The following PCDHA3 variants were observed in gnomAD, a reference collection of about 807,000 sequenced individuals.
PCDHA3 encodes the protein protocadherin alpha-3.
In PCDHA3, 41 loss-of-function variants were observed where a neutral mutation model predicts 62.2. The ratio of observed to expected loss-of-function variants is 0.66; its 90% CI spans 0.51 to 0.86. The LOEUF (loss-of-function observed/expected upper bound fraction) is 0.86, where lower values mean the gene tolerates loss of function less well. PCDHA3 is among the 40% of genes least tolerant of loss of function. The pLI is 0.00. For synonymous variants in PCDHA3, 640 were observed against 555.4 expected, an observed-to-expected ratio of 1.15 and a Z score of -2.14; for missense variants, 1,304 against 1,241.2, an observed-to-expected ratio of 1.05 and a Z score of -0.76.
intron 1 of PCDHA3, among the ~76,000 whole-genome samples, chr5:140,886,682 G>A (rs181377286): frequency 6.6e-6 from 1 of 151,618 alleles, no homozygotes. Context: ...AAAAATTAGC[G>A]AGGCATGGTG....
intron 1 of PCDHA3, among the ~76,000 whole-genome samples, chr5:140,964,075 AT>A (rs1277799626): frequency 9.2e-5 from 14 of 152,324 alleles, no homozygotes; most frequent in African/African-American, 3.1e-4. Flanking sequence ...TAGTGTTAAT[AT>A]TTGTAGAAAG....
Position 140,914,027 on chromosome 5 carries a change from T to G in PCDHA3, c.2395-64922T>G, listed in dbSNP as rs188298966. Among the ~76,000 whole-genome samples the G allele has an allele frequency of 8.0e-3, 1,214 of 152,300 alleles. 6 individuals carry two copies. Among genetic ancestry groups the G allele is most frequent in the African/African-American group, 0.019 (784 of 41,574 alleles). On this transcript the variant is annotated intron_variant, in intron 1 of 3. Coordinates refer to ENST00000522353, the MANE Select transcript of PCDHA3 (RefSeq NM_018906.3). ...CTATCTTTGAGAATGATCCACGTGCTGAGAAGAATGTGTATTCTGCAGCTG... is the reference window on the plus strand; with the variant it reads ...CTATCTTTGAGAATGATCCACGTGCGGAGAAGAATGTGTATTCTGCAGCTG...
In PCDHA3 at chr5:140,803,233, C is replaced by G. The variant is rs1554122661; in HGVS notation, c.2036C>G (p.Ser679Trp). ...LVESGQAPKA[S>W]SQASAGATGP... ...GAGAGTGGCCAGGCACCCAAGGCCT[C>G]GTCCCAGGCGTCCGCTGGCGCCACG... The change falls in exon 1 of 4, where the codon TCG becomes TGG. Residue 679 changes from serine (S) to tryptophan (W), a missense_variant. Ser to Trp is a radical substitution (Grantham distance 177). Transcript: ENST00000522353. 1.1e-5 allele frequency: 17 copies of G among 1,613,760 alleles called. No homozygotes were observed. Among genetic ancestry groups the G allele is most frequent in the Middle Eastern group, 1.6e-4 (1 of 6,062 alleles).
chr5:140,870,579 G>T (rs1388213173), intron 1 of PCDHA3: 4 of 1,613,744 alleles, frequency 2.5e-6, no homozygotes, highest in Admixed American at 1.7e-5. Context: ...TGTCCTACTC[G>T]CTGGTGGAGC....
intron 1 of PCDHA3, among the ~76,000 whole-genome samples, chr5:140,820,807 A>C (rs1766834468): frequency 6.6e-6 from 1 of 152,128 alleles, no homozygotes; most frequent in African/African-American, 2.4e-5. Flanking sequence ...TGTATTTTAC[A>C]ATTTTTAATA....
chr5:140,845,311 A>G (rs1384736573), intron 1 of PCDHA3, among the ~76,000 whole-genome samples: 1 of 149,364 alleles, frequency 6.7e-6, no homozygotes, highest in Non-Finnish European at 1.5e-5. Flanking sequence ...CCTGGTTCTC[A>G]GGTATTACTT....
intron 1 of PCDHA3, chr5:140,867,147 C>T (rs1554160998): frequency 6.6e-6 from 1 of 152,068 alleles, no homozygotes; most frequent in East Asian, 1.9e-4. Flanking sequence ...TATCATTTTT[C>T]CAGAGTAAAC....
At chr5:140,927,598 T>G (rs2084398863) in intron 1 of PCDHA3, 1 of 1,614,046 alleles carries the variant, frequency 6.2e-7, no homozygotes, top group African/African-American at 1.3e-5. Flanking sequence ...ATTTGAGCGC[T>G]CCGTATACCG....
At chr5:140,865,534 A>G (rs2048907246) in intron 1 of PCDHA3, 1 of 152,224 alleles carries the variant, frequency 6.6e-6, no homozygotes, top group South Asian at 2.1e-4. Flanking sequence ...CTCTTCATCC[A>G]TAGCTATAGG....
intron 1 of PCDHA3, chr5:140,860,091 C>A (rs1199656209): frequency 4.0e-5 from 6 of 150,914 alleles, no homozygotes; most frequent in African/African-American, 1.5e-4. Context: ...GAGTTCAAGA[C>A]CAACCTGGGC....
At chr5:140,910,387 T>C (rs540534807) in intron 1 of PCDHA3, among the ~76,000 whole-genome samples, 1 of 152,158 alleles carries the variant, frequency 6.6e-6, no homozygotes, top group Admixed American at 6.6e-5. Context: ...CCTTTGACAG[T>C]TGACTGGCCC....
intron 1 of PCDHA3, among the ~76,000 whole-genome samples, chr5:140,974,081 C>T (rs1432185201): frequency 6.6e-6 from 1 of 152,196 alleles, no homozygotes; most frequent in African/African-American, 2.4e-5. Context: ...ATAACCATGA[C>T]TTCAAAAATC....
At chr5:140,995,352 C>T (rs976879377) in intron 3 of PCDHA3, among the ~76,000 whole-genome samples, 2 of 152,006 alleles carry the variant, frequency 1.3e-5, no homozygotes, top group Non-Finnish European at 2.9e-5. Context: ...ATGGATAGGT[C>T]GGACAGAGGG....
chr5:140,803,958 T>G, intron 1 of PCDHA3: 1 of 335,646 alleles, frequency 3.0e-6, no homozygotes, highest in Non-Finnish European at 5.4e-6. Context: ...TTCAATATCT[T>G]TTGCCACTTT....
intron 1 of PCDHA3, among the ~76,000 whole-genome samples, chr5:140,908,466 C>T (rs2073988233): frequency 6.6e-6 from 1 of 152,134 alleles, no homozygotes. Flanking sequence ...TCAGAAAGCA[C>T]CCAGTTCATG....
At chr5:140,841,667 G>A in intron 1 of PCDHA3, 1 of 1,614,090 alleles carries the variant, frequency 6.2e-7, no homozygotes, top group Non-Finnish European at 8.5e-7. Flanking sequence ...GCCGCTGCAG[G>A]TTTTCCATGT....
intron 1 of PCDHA3, chr5:140,966,461 C>A: frequency 2.3e-6 from 1 of 429,006 alleles, no homozygotes; most frequent in East Asian, 3.5e-5. Flanking sequence ...CCCCCTCTGT[C>A]TTCCCTTCTG....
At chr5:140,823,614 G>C (rs2150127435) in intron 1 of PCDHA3, 1 of 1,614,046 alleles carries the variant, frequency 6.2e-7, no homozygotes, top group Non-Finnish European at 8.5e-7. Context: ...TGCAGCCAGC[G>C]CCTGGCAGTG....
chr5:140,846,377 T>TCTC (rs1780417779), intron 1 of PCDHA3, among the ~76,000 whole-genome samples: 1 of 134,692 alleles, frequency 7.4e-6, no homozygotes, highest in African/African-American at 2.7e-5. Flanking sequence ...TTCTTTCTTT[T>TCTC]TTTTTTTTTT....
Sources: allele counts gnomAD v4.1 joint callset (sites outside exome capture counted in the v4.1 genomes callset), GRCh38; gene constraint gnomAD v4.1.1; transcripts MANE v1.5; gene names NCBI Gene and HGNC (gene_info 2026-07-23, HGNC 2026-07-21).